Variants in LHPP observed in about 807,000 individuals in gnomAD.
LHPP encodes phospholysine phosphohistidine inorganic pyrophosphate phosphatase, also known as hLHPP.
A neutral mutation model predicts 30.3 loss-of-function variants in LHPP; 24 were observed. That is an observed-to-expected ratio of 0.79 (90% CI 0.57 to 1.11). The LOEUF (loss-of-function observed/expected upper bound fraction) is 1.11, where lower values mean the gene tolerates loss of function less well. Among genes scored for constraint, LHPP ranks in the 50% most tolerant of loss-of-function variants. The probability of loss-of-function intolerance (pLI) is 0.00; values close to 1 mark genes in which losing one functional copy is unlikely to be tolerated. For missense variants in LHPP, 356 were observed against 367.2 expected, an observed-to-expected ratio of 0.97 and a Z score of 0.25; for synonymous variants, 150 against 157.1, an observed-to-expected ratio of 0.95 and a Z score of 0.34.
chr10:124,567,076 G>A (rs988985474), intron 6 of LHPP, among the ~76,000 whole-genome samples: 4 of 152,234 alleles, frequency 2.6e-5, no homozygotes, highest in African/African-American at 9.6e-5. Flanking sequence ...CTGAGGAGAG[G>A]GGTGCAGGCC....
chr10:124,544,805 C>T (rs1174605247), intron 6 of LHPP, among the ~76,000 whole-genome samples: 1 of 152,204 alleles, frequency 6.6e-6, no homozygotes, highest in African/African-American at 2.4e-5. Flanking sequence ...GAGGTGGGGG[C>T]CCAGCAGGCC....
intron 1 of LHPP, among the ~76,000 whole-genome samples, chr10:124,462,470 C>T (rs1952432458): frequency 6.6e-6 from 1 of 151,982 alleles, no homozygotes; most frequent in Non-Finnish European, 1.5e-5. Flanking sequence ...TGGTGCACGC[C>T]TGTAGGCCCA....
At chr10:124,487,453 T>C (rs1055040867) in intron 2 of LHPP, among the ~76,000 whole-genome samples, 35 of 151,326 alleles carry the variant, frequency 2.3e-4, no homozygotes, top group African/African-American at 5.8e-4. Flanking sequence ...TTTTTTTTTT[T>C]TTTTTTTGAG....
intron 6 of LHPP, among the ~76,000 whole-genome samples, chr10:124,535,573 A>ATTTTT (rs34086090): frequency 6.8e-6 from 1 of 146,730 alleles, no homozygotes. Context: ...TTAAAAAAAC[A>ATTTTT]TTTTTTTTTT....
chr10:124,518,231 C>T (rs1445968014), intron 6 of LHPP, among the ~76,000 whole-genome samples: 1 of 152,222 alleles, frequency 6.6e-6, no homozygotes, highest in African/African-American at 2.4e-5. Flanking sequence ...CAGGCTTCCC[C>T]CGACGTGTAT....
At chr10:124,526,546 G>C (rs1050273862) in intron 6 of LHPP, among the ~76,000 whole-genome samples, 1 of 152,198 alleles carries the variant, frequency 6.6e-6, no homozygotes, top group Non-Finnish European at 1.5e-5. Context: ...CTGAGCAGGG[G>C]CCGGGCCTCA....
Position 124,596,288 on chromosome 10 carries a change from C to T in LHPP, c.717-16976C>T, listed in dbSNP as rs1948940814. Among the ~76,000 whole-genome samples, 1 of 151,972 alleles carries T rather than the reference C, an allele frequency of 6.6e-6. No homozygotes were observed. The highest frequency in any genetic ancestry group is 6.6e-5 in the Admixed American group (1 of 15,264). ...ACTCAGGAGTGAGGTTGCTGGGTCC[C>T]GCGGCATTCATGTGTTTAGTGTAGG... On this transcript the variant is annotated intron_variant, in intron 6 of 6. Coordinates refer to ENST00000368842, the MANE Select transcript of LHPP (RefSeq NM_022126.4). The surrounding 1 kb of genome is among the most constrained non-coding windows in gnomAD (Gnocchi z 4.6).
At chr10:124,601,603 G>A (rs1228291280) in intron 6 of LHPP, among the ~76,000 whole-genome samples, 1 of 152,250 alleles carries the variant, frequency 6.6e-6, no homozygotes, top group African/African-American at 2.4e-5. Flanking sequence ...GGTGCCCGCA[G>A]TCAGTGGGGC....
At chr10:124,553,269 C>T (rs1474691943) in intron 6 of LHPP, among the ~76,000 whole-genome samples, 1 of 152,134 alleles carries the variant, frequency 6.6e-6, no homozygotes, top group Non-Finnish European at 1.5e-5. Flanking sequence ...AGAAAGAGAA[C>T]AAGAAATCCA....
At chr10:124,554,125 G>C (rs1333575837) in intron 6 of LHPP, 1 of 932,570 alleles carries the variant, frequency 1.1e-6, no homozygotes, top group Non-Finnish European at 1.3e-6. Flanking sequence ...CAGCTGGGAC[G>C]ACCTGGGCCA....
chr10:124,472,075 G>A (rs563094619), intron 1 of LHPP, among the ~76,000 whole-genome samples: 31 of 152,206 alleles, frequency 2.0e-4, no homozygotes, highest in Middle Eastern at 6.8e-3. Context: ...ACTTTGGGAG[G>A]CCAAAGCGGG....
chr10:124,484,343 C>T lies in LHPP; in HGVS notation c.313+17C>T, dbSNP rs1477947456. ...TCCATGACGGTAGGCCTGTCGGACA[C>T]CAGGACCTCACGGGGGTGAAAGCTC... On this transcript the variant is annotated intron_variant, in intron 2 of 6. Coordinates refer to ENST00000368842, the MANE Select transcript of LHPP (RefSeq NM_022126.4). 6.2e-7 allele frequency: 1 copy of T among 1,603,450 alleles called. No individual in the cohort carries two copies. The highest frequency in any genetic ancestry group is 8.5e-7 in the Non-Finnish European group (1 of 1,171,690).
intron 6 of LHPP, among the ~76,000 whole-genome samples, chr10:124,566,307 T>G (rs1948490038): frequency 6.6e-6 from 1 of 152,204 alleles, no homozygotes; most frequent in South Asian, 2.1e-4. Context: ...GGGGTTGTCC[T>G]TTCCCCCCTG....
intron 6 of LHPP, among the ~76,000 whole-genome samples, chr10:124,589,018 C>T (rs1038540312): frequency 2.0e-5 from 3 of 152,216 alleles, no homozygotes; most frequent in Non-Finnish European, 2.9e-5. Flanking sequence ...TCCCCAGCAG[C>T]GCGGCTGTGA....
chr10:124,534,551 C>T (rs572366489), intron 6 of LHPP, among the ~76,000 whole-genome samples: 12 of 152,374 alleles, frequency 7.9e-5, no homozygotes, highest in Admixed American at 2.6e-4. Context: ...AACCATTGAC[C>T]TGCCTGGGCC....
At chr10:124,467,852 G>C (rs1952602112) in intron 1 of LHPP, among the ~76,000 whole-genome samples, 1 of 152,110 alleles carries the variant, frequency 6.6e-6, no homozygotes, top group Admixed American at 6.6e-5. Flanking sequence ...GGGATTACAG[G>C]TGCCTGCCAC....
At chr10:124,558,850 C>T (rs916857616) in intron 6 of LHPP, among the ~76,000 whole-genome samples, 1 of 152,254 alleles carries the variant, frequency 6.6e-6, no homozygotes, top group Admixed American at 6.5e-5. Flanking sequence ...CCATGCGTAG[C>T]GAAACCAGGC....
At chr10:124,492,305 C>T (rs1953556635) in intron 3 of LHPP, among the ~76,000 whole-genome samples, 1 of 152,102 alleles carries the variant, frequency 6.6e-6, no homozygotes, top group South Asian at 2.1e-4. Context: ...TAGTATGTTT[C>T]TCATATAAAT....
intron 5 of LHPP, among the ~76,000 whole-genome samples, chr10:124,506,058 A>G (rs1954054238): frequency 6.6e-6 from 1 of 152,078 alleles, no homozygotes; most frequent in Non-Finnish European, 1.5e-5. Context: ...AGCCTGGGTA[A>G]CATGGTGAAA....
Sources: allele counts gnomAD v4.1 joint callset (sites outside exome capture counted in the v4.1 genomes callset), GRCh38; gene constraint gnomAD v4.1.1; non-coding constraint Gnocchi (gnomAD v3.1); transcripts MANE v1.5; gene names NCBI Gene and HGNC (gene_info 2026-07-23, HGNC 2026-07-21).